The following SLC4A8 variants were observed in gnomAD, a reference collection of about 807,000 sequenced individuals.
SLC4A8 encodes the protein solute carrier family 4 member 8.
In SLC4A8, 40 loss-of-function variants were observed where a neutral mutation model predicts 125.0. That is an observed-to-expected ratio of 0.32 (90% CI 0.25 to 0.42). The LOEUF (loss-of-function observed/expected upper bound fraction) is 0.42. SLC4A8 is among the 10% of genes least tolerant of loss of function. SLC4A8 has a pLI of 1.00. For missense variants in SLC4A8, 863 were observed against 1,355.1 expected, an observed-to-expected ratio of 0.64 and a Z score of 5.70; for synonymous variants, 456 against 476.0, an observed-to-expected ratio of 0.96 and a Z score of 0.55.
chr12:51,401,634 G>A (rs1341529860), intron 1 of SLC4A8, among the ~76,000 whole-genome samples: 2 of 152,258 alleles, frequency 1.3e-5, no homozygotes, highest in Middle Eastern at 6.8e-3. Flanking sequence ...GTCTCTGCCC[G>A]CTCGGGTCTC....
chr12:51,402,756 G>A (rs1480461666), intron 1 of SLC4A8, among the ~76,000 whole-genome samples: 2 of 152,122 alleles, frequency 1.3e-5, no homozygotes, highest in African/African-American at 2.4e-5. Context: ...AGTGGTCAGG[G>A]TAGTTGACTC....
chr12:51,400,718 G>T (rs1184919255), intron 1 of SLC4A8, among the ~76,000 whole-genome samples: 1 of 95,230 alleles, frequency 1.1e-5, no homozygotes, highest in Non-Finnish European at 2.0e-5. Flanking sequence ...GAGTGTGAAT[G>T]AACTCCTTTA....
At chr12:51,437,542 A>G (rs1949459148) in intron 1 of SLC4A8, among the ~76,000 whole-genome samples, 1 of 152,134 alleles carries the variant, frequency 6.6e-6, no homozygotes, top group African/African-American at 2.4e-5. Context: ...TTGCCATATT[A>G]TACACCAGCT....
chr12:51,503,903 G>A (rs562202885), intron 22 of SLC4A8, 126 bp from the exon 23 acceptor site: 3 of 586,984 alleles, frequency 5.1e-6, no homozygotes, highest in Non-Finnish European at 8.9e-6. Context: ...GTCTATGAAA[G>A]AACCTAATTA....
intron 4 of SLC4A8, 117 bp from the exon 5 acceptor site, chr12:51,453,408 CATACAGATTAGATT>C: frequency 1.1e-6 from 1 of 878,820 alleles, no homozygotes; most frequent in Non-Finnish European, 1.8e-6. Context: ...GTACCCTGAA[CATACAGATTAGATT>C]TTACAATGTT....
chr12:51,396,992 C>G (rs534421732), intron 1 of SLC4A8, among the ~76,000 whole-genome samples: 1 of 140,018 alleles, frequency 7.1e-6, no homozygotes, highest in Non-Finnish European at 1.5e-5. Flanking sequence ...TGCAGTCGCA[C>G]GATCTCAGCT....
At chr12:51,404,286 G>T (rs918356968) in intron 1 of SLC4A8, among the ~76,000 whole-genome samples, 14 of 152,176 alleles carry the variant, frequency 9.2e-5, no homozygotes, top group African/African-American at 3.1e-4. Flanking sequence ...TATGTACAAG[G>T]AGAGGCAGAG....
intron 1 of SLC4A8, among the ~76,000 whole-genome samples, chr12:51,412,994 C>G (rs1438433891): frequency 1.3e-5 from 2 of 152,182 alleles, no homozygotes; most frequent in Non-Finnish European, 2.9e-5. Flanking sequence ...AACCTCCATA[C>G]TGTTTTCCAT....
Position 51,489,860 on chromosome 12 carries a change from C to T in SLC4A8, c.2609C>T (p.Pro870Leu). ...GAATGCTCTGCTCCTGGAGAACAGC[C>T]CAAGTTCCTGGGCATCCGAGAACAG... ...ESECSAPGEQPKFLGIREQRV... is the reference protein window; with the variant it reads ...ESECSAPGEQLKFLGIREQRV... Residue 870 changes from proline to leucine, a missense_variant, in exon 19 of 25, where the codon CCC becomes CTC. Pro to Leu is a moderately conservative substitution (Grantham distance 98). Around this residue, in one of 6 missense-constraint regions of SLC4A8, gnomAD observed 197 missense variants for 377.7 expected, o/e 0.52. Coordinates refer to ENST00000453097, the MANE Select transcript of SLC4A8 (RefSeq NM_001039960.3). The T allele has an allele frequency of 6.2e-7, 1 of 1,614,136 alleles. No homozygotes were observed. Among genetic ancestry groups the T allele is most frequent in the Non-Finnish European group, 8.5e-7 (1 of 1,180,008 alleles).
chr12:51,484,967 G>A (rs758392969), intron 16 of SLC4A8, among the ~76,000 whole-genome samples: 1 of 152,136 alleles, frequency 6.6e-6, no homozygotes, highest in Non-Finnish European at 1.5e-5. Context: ...TGGAGGAAAG[G>A]CATGTTAGGT....
intron 1 of SLC4A8, among the ~76,000 whole-genome samples, chr12:51,426,715 G>A (rs77054141): frequency 0.019 from 2,965 of 152,176 alleles, 83 homozygotes; most frequent in African/African-American, 0.067. Context: ...AACAAGGAGC[G>A]ATGAGGGGAA....
chr12:51,493,560 C>T, intron 19 of SLC4A8, 144 bp from the exon 20 acceptor site: 1 of 627,068 alleles, frequency 1.6e-6, no homozygotes, highest in Non-Finnish European at 2.9e-6. Context: ...CCTAAGTCAC[C>T]CACAGGCAGC....
In SLC4A8 at chr12:51,476,640, G is replaced by A. The variant is rs138074489; in HGVS notation, c.2172+1434G>A. Among the ~76,000 whole-genome samples the A allele has an allele frequency of 5.9e-5, 9 of 152,078 alleles. No individual in the cohort carries two copies. The East Asian group carries it at 9.7e-4, about 16-fold the overall frequency. On this transcript the variant is annotated intron_variant, in intron 16 of 24. Transcript: ENST00000453097. ...AAAAAAGGGTGTTCATTTTGCTGGC[G>A]AGAGATCTACCATCAGTACATCAAA...
intron 22 of SLC4A8, among the ~76,000 whole-genome samples, chr12:51,503,336 G>A (rs761935845): frequency 1.3e-5 from 2 of 148,832 alleles, no homozygotes; most frequent in African/African-American, 2.5e-5. Context: ...GCCATTCTCC[G>A]TCTCAGCTGG....
chr12:51,453,158 A>G (rs1220462016), intron 4 of SLC4A8, among the ~76,000 whole-genome samples: 1 of 152,242 alleles, frequency 6.6e-6, no homozygotes, highest in African/African-American at 2.4e-5. Context: ...TATAGATTAA[A>G]TCTATTTTTT....
chr12:51,422,481 A>T (rs905901103), upstream of SLC4A8, among the ~76,000 whole-genome samples: 1 of 152,008 alleles, frequency 6.6e-6, no homozygotes, highest in Middle Eastern at 3.2e-3. Flanking sequence ...CAGCTTCCTG[A>T]GGGGCTGGGA....
chr12:51,423,625 C>T (rs1382372378), upstream of SLC4A8, among the ~76,000 whole-genome samples: 1 of 152,192 alleles, frequency 6.6e-6, no homozygotes, highest in Non-Finnish European at 1.5e-5. Context: ...TAACATGTAT[C>T]AGACTACCTT....
In SLC4A8 at chr12:51,512,398, C is replaced by G. The variant is rs1938397252; in HGVS notation, c.*4960C>G. ...CTGTTAGTTACTTTTGAAGGCCATG[C>G]CAACCCTTTTAGGCCATTAAATTTT... is the stretch of plus-strand genomic sequence containing the variant. On this transcript the variant is annotated 3_prime_UTR_variant, in exon 25 of 25. Transcript: ENST00000453097. The G allele has an allele frequency of 6.6e-6, 1 of 152,154 alleles. No homozygotes were observed. Among genetic ancestry groups the G allele is most frequent in the Admixed American group, 6.5e-5 (1 of 15,276 alleles). The allele number at this position is 152,154 out of a possible 1,614,324, so 9.4% of individuals were successfully genotyped here. A position where few individuals can be genotyped will look rare whatever the true frequency, so the allele number is the denominator to read the frequency against.
intron 1 of SLC4A8, among the ~76,000 whole-genome samples, chr12:51,436,998 C>T (rs925592782): frequency 1.3e-5 from 2 of 152,172 alleles, no homozygotes; most frequent in African/African-American, 4.8e-5. Flanking sequence ...GCAAATTATA[C>T]AGTTTTCTCC....
Sources: gnomAD v4.1 joint callset for allele counts (sites outside exome capture counted in the v4.1 genomes callset) on GRCh38, gnomAD v4.1.1 for gene constraint, gnomAD v4.1.1 regional missense constraint, MANE v1.5 for transcripts, NCBI Gene and HGNC (gene_info 2026-07-23, HGNC 2026-07-21) for gene names.